The following ARHGEF10L variants were observed in gnomAD, a reference collection of about 807,000 sequenced individuals.
The protein encoded by ARHGEF10L is Rho guanine nucleotide exchange factor 10 like.
A neutral mutation model predicts 141.2 loss-of-function variants in ARHGEF10L; 69 were observed. That is an observed-to-expected ratio of 0.49 (90% CI 0.40 to 0.60). The LOEUF is 0.60. Among genes scored for constraint, ARHGEF10L ranks in the 20% least tolerant of loss-of-function variants. The pLI is 0.00. For synonymous variants in ARHGEF10L, 711 were observed against 718.5 expected, an observed-to-expected ratio of 0.99 and a Z score of 0.17; for missense variants, 1,482 against 1,734.3, an observed-to-expected ratio of 0.85 and a Z score of 2.58.
chr1:17,686,073 G>GT (rs879349451), intron 26 of ARHGEF10L, among the ~76,000 whole-genome samples: 37 of 146,004 alleles, frequency 2.5e-4, no homozygotes, highest in South Asian at 6.4e-4. Flanking sequence ...GTTTTGTTTT[G>GT]TTTTTTTTCT....
At chr1:17,613,235 C>A in intron 8 of ARHGEF10L, 61 bp downstream of exon 8, 3 of 1,401,894 alleles carry the variant, frequency 2.1e-6, no homozygotes, top group African/African-American at 2.8e-5. Flanking sequence ...CAGCTACCTC[C>A]AAGGGTTTTC....
chr1:17,583,641 A>G (rs1055865283), intron 2 of ARHGEF10L, among the ~76,000 whole-genome samples: 6 of 152,106 alleles, frequency 3.9e-5, no homozygotes, highest in African/African-American at 1.4e-4. Context: ...AGCTGAACCC[A>G]GGTGGCCCGA....
At chr1:17,565,600 T>C (rs912040709) in intron 1 of ARHGEF10L, among the ~76,000 whole-genome samples, 2 of 152,200 alleles carry the variant, frequency 1.3e-5, no homozygotes, top group African/African-American at 4.8e-5. Flanking sequence ...TCAGTTCTCC[T>C]TCCCCTTCTG....
chr1:17,649,475 T>C (rs2061789196), intron 22 of ARHGEF10L, among the ~76,000 whole-genome samples: 1 of 152,194 alleles, frequency 6.6e-6, no homozygotes, highest in African/African-American at 2.4e-5. Context: ...GATGCGCCGA[T>C]TGGGCTGTAG....
chr1:17,528,562 C>T, the ARHGEF10L span, among the ~76,000 whole-genome samples: 102 of 152,116 alleles, frequency 6.7e-4, no homozygotes, highest in African/African-American at 2.4e-3. Context: ...TCCATCCATC[C>T]ATCCAGCCAT....
intron 28 of ARHGEF10L, among the ~76,000 whole-genome samples, chr1:17,695,924 C>T (rs984798176): frequency 1.2e-4 from 18 of 152,142 alleles, no homozygotes; most frequent in South Asian, 2.1e-4. Context: ...TGGCTGGGCG[C>T]GGTGGCTCAC....
intron 26 of ARHGEF10L, among the ~76,000 whole-genome samples, chr1:17,683,317 G>T (rs1403702449): frequency 9.2e-6 from 1 of 108,922 alleles, no homozygotes; most frequent in Non-Finnish European, 2.0e-5. Context: ...TCACCCGGGT[G>T]CTCACTGCCC....
At chr1:17,620,223 A>T (rs2060034295) in intron 10 of ARHGEF10L, among the ~76,000 whole-genome samples, 2 of 150,966 alleles carry the variant, frequency 1.3e-5, no homozygotes, top group South Asian at 4.2e-4. Flanking sequence ...AAAAAAAAAA[A>T]TGGCTTCCTT....
intron 22 of ARHGEF10L, among the ~76,000 whole-genome samples, chr1:17,652,229 A>C (rs1342007441): frequency 6.6e-6 from 1 of 152,148 alleles, no homozygotes; most frequent in African/African-American, 2.4e-5. Context: ...TCAAGGGATC[A>C]GGGGTGTTGG....
chr1:17,612,831 C>A (rs556385643), intron 7 of ARHGEF10L, among the ~76,000 whole-genome samples: 100 of 152,326 alleles, frequency 6.6e-4, no homozygotes, highest in African/African-American at 2.2e-3. Context: ...GAGACCCGGC[C>A]CCCAGCTGCC....
intron 1 of ARHGEF10L, among the ~76,000 whole-genome samples, chr1:17,562,684 A>G (rs1013103298): frequency 1.3e-5 from 2 of 152,210 alleles, no homozygotes; most frequent in Non-Finnish European, 2.9e-5. Context: ...GATTTTTTGT[A>G]TACATTGGCG....
chr1:17,627,559 T>A lies in ARHGEF10L; in HGVS notation c.1584+56T>A, dbSNP rs2060455528. 1 of 1,573,892 alleles carries A rather than the reference T, an allele frequency of 6.4e-7. No homozygotes were observed. On this transcript the variant is annotated intron_variant, in intron 15 of 28. Transcript: ENST00000361221. The surrounding 1 kb of genome is among the most constrained non-coding windows in gnomAD (Gnocchi z 4.0). ...ACCTGCCTGCCCTCACCTGTGCTCC[T>A]GCCCGTGCCCCTGCCCCACGCCACC...
Position 17,619,529 on chromosome 1 carries a change from G to T in ARHGEF10L, c.942+84G>T. 1 of 1,120,894 alleles carries T rather than the reference G, an allele frequency of 8.9e-7. No homozygotes were observed. Among genetic ancestry groups the T allele is most frequent in the South Asian group, 1.5e-5 (1 of 64,790 alleles). The allele number at this position is 1,120,894 out of a possible 1,614,324, so 69.4% of individuals were successfully genotyped here. On this transcript the variant is annotated intron_variant, in intron 10 of 28. Coordinates refer to ENST00000361221, the MANE Select transcript of ARHGEF10L (RefSeq NM_018125.4). This position sits in a 1 kb window ranked among gnomAD's most constrained non-coding sequence, Gnocchi z 5.0. ...CAGCCTGTTCTCTGGGGCCACGCTT[G>T]TCTGGATCTCACAGGGGATATGATG...
At chr1:17,579,870 T>A (rs923612483) in intron 1 of ARHGEF10L, among the ~76,000 whole-genome samples, 3 of 152,216 alleles carry the variant, frequency 2.0e-5, no homozygotes. Flanking sequence ...CTTTTGCTTA[T>A]GTGAGCTCCC....
the ARHGEF10L span, among the ~76,000 whole-genome samples, chr1:17,528,274 G>C: frequency 6.6e-6 from 1 of 151,748 alleles, no homozygotes; most frequent in Non-Finnish European, 1.5e-5. Flanking sequence ...CCAGGCTGGA[G>C]TACAGTGGCA....
At chr1:17,620,939 A>ACTGTGTT (rs1285619645) in intron 10 of ARHGEF10L, among the ~76,000 whole-genome samples, 1 of 152,076 alleles carries the variant, frequency 6.6e-6, no homozygotes, top group Non-Finnish European at 1.5e-5. Context: ...GAGCCAGGTG[A>ACTGTGTT]CTGTGTTGGA....
At chr1:17,611,097 C>A (rs2059526214) in intron 7 of ARHGEF10L, among the ~76,000 whole-genome samples, 1 of 152,182 alleles carries the variant, frequency 6.6e-6, no homozygotes, top group Admixed American at 6.5e-5. Context: ...AGCCCTGGCC[C>A]AGCCTGGTCT....
At chr1:17,694,439 C>G (rs1047879264) in intron 27 of ARHGEF10L, 1 of 166,112 alleles carries the variant, frequency 6.0e-6, no homozygotes. Flanking sequence ...CTGGCATCCT[C>G]TCTGTTAGGA....
At chr1:17,645,109 G>A (rs1401675533) in intron 21 of ARHGEF10L, among the ~76,000 whole-genome samples, 2 of 152,112 alleles carry the variant, frequency 1.3e-5, no homozygotes, top group Non-Finnish European at 2.9e-5. Flanking sequence ...CCCAGGGGGT[G>A]TTGGCAAACA....
Sources: allele counts gnomAD v4.1 joint callset (sites outside exome capture counted in the v4.1 genomes callset), GRCh38; gene constraint gnomAD v4.1.1; non-coding constraint Gnocchi (gnomAD v3.1); transcripts MANE v1.5; gene names NCBI Gene and HGNC (gene_info 2026-07-23, HGNC 2026-07-21).